FOXP1: variants seen among roughly 807,000 people sequenced by gnomAD.
FOXP1 encodes the protein forkhead box protein P1.
In FOXP1, 15 loss-of-function variants were observed where a neutral mutation model predicts 98.2. The observed-to-expected ratio is 0.15, with a 90% CI of 0.10 to 0.24. FOXP1 has a LOEUF of 0.24. Among genes scored for constraint, FOXP1 ranks in the 10% least tolerant of loss-of-function variants. The probability of loss-of-function intolerance (pLI) is 1.00; values close to 1 mark genes in which losing one functional copy is unlikely to be tolerated. For missense variants in FOXP1, 633 were observed against 848.5 expected, an observed-to-expected ratio of 0.75 and a Z score of 3.15; for synonymous variants, 371 against 314.5, an observed-to-expected ratio of 1.18 and a Z score of -1.90.
At chr3:71,194,260 CCA>C (rs2063168489) in intron 6 of FOXP1, among the ~76,000 whole-genome samples, 1 of 113,878 alleles carries the variant, frequency 8.8e-6, no homozygotes, top group Non-Finnish European at 1.6e-5. Context: ...CCAGGTGGTA[CCA>C]AAAAAAAAAA....
chr3:71,286,912 C>T (rs2072205535), intron 5 of FOXP1, among the ~76,000 whole-genome samples: 1 of 152,132 alleles, frequency 6.6e-6, no homozygotes, highest in African/African-American at 2.4e-5. Flanking sequence ...TTTTATGAAA[C>T]TCACTCAAGA....
intron 1 of FOXP1, among the ~76,000 whole-genome samples, chr3:71,583,071 C>T (rs1007176445): frequency 2.6e-5 from 4 of 151,746 alleles, no homozygotes; most frequent in Admixed American, 6.6e-5. Flanking sequence ...CCCGGGACCC[C>T]GCACCGGCCC....
chr3:71,424,401 T>C (rs931379272), intron 3 of FOXP1, among the ~76,000 whole-genome samples: 1 of 152,126 alleles, frequency 6.6e-6, no homozygotes, highest in African/African-American at 2.4e-5. Flanking sequence ...CACCATAACC[T>C]TGCAATGTTA....
chr3:71,427,364 G>A (rs1467945387), intron 3 of FOXP1, among the ~76,000 whole-genome samples: 1 of 152,210 alleles, frequency 6.6e-6, no homozygotes, highest in East Asian at 1.9e-4. Context: ...GAGAGTGTCA[G>A]TGATATTAGA....
intron 6 of FOXP1, among the ~76,000 whole-genome samples, chr3:71,166,436 T>C (rs1046141278): frequency 6.6e-5 from 10 of 152,208 alleles, no homozygotes; most frequent in African/African-American, 1.2e-4. Context: ...AACACCAAAT[T>C]TGGCAACCCA....
intron 6 of FOXP1, among the ~76,000 whole-genome samples, chr3:71,121,384 G>A (rs946656215): frequency 4.9e-4 from 74 of 151,916 alleles, no homozygotes; most frequent in African/African-American, 1.6e-3. Context: ...AAAAAAGGGG[G>A]GGGGGATATC....
At chr3:71,228,529 C>T (rs1411839513) in intron 5 of FOXP1, among the ~76,000 whole-genome samples, 6 of 152,114 alleles carry the variant, frequency 3.9e-5, no homozygotes, top group Non-Finnish European at 1.5e-5. Flanking sequence ...CAGGAAGATG[C>T]GTCCCACTCA....
At chr3:71,579,903 C>G (rs2048023641) in intron 2 of FOXP1, among the ~76,000 whole-genome samples, 1 of 152,020 alleles carries the variant, frequency 6.6e-6, no homozygotes, top group African/African-American at 2.4e-5. Context: ...TTTCGCGACT[C>G]GGCATCCATA....
At chr3:71,004,432 C>T (rs907887002) in intron 12 of FOXP1, among the ~76,000 whole-genome samples, 4 of 151,978 alleles carry the variant, frequency 2.6e-5, no homozygotes, top group African/African-American at 9.7e-5. Context: ...TATTTTCTTC[C>T]GTAACACCAA....
intron 7 of FOXP1, among the ~76,000 whole-genome samples, chr3:71,075,145 G>A (rs1268196821): frequency 6.6e-6 from 1 of 152,202 alleles, no homozygotes; most frequent in Non-Finnish European, 1.5e-5. Context: ...ACTCTGGAGA[G>A]ACACTGCCAT....
intron 2 of FOXP1, among the ~76,000 whole-genome samples, chr3:71,521,297 C>T (rs539396171): frequency 2.6e-5 from 4 of 152,184 alleles, no homozygotes; most frequent in South Asian, 4.2e-4. Flanking sequence ...TTTGGGAGGC[C>T]GAGTGAATCG....
intron 5 of FOXP1, among the ~76,000 whole-genome samples, chr3:71,281,097 T>C (rs2071509819): frequency 6.8e-6 from 1 of 147,668 alleles, no homozygotes; most frequent in African/African-American, 2.5e-5. Context: ...GGCGTCGTGG[T>C]GCATGCCTGT....
intron 4 of FOXP1, among the ~76,000 whole-genome samples, chr3:71,335,774 G>C (rs999793827): frequency 1.3e-5 from 2 of 152,082 alleles, no homozygotes; most frequent in African/African-American, 4.8e-5. Flanking sequence ...GGAGGCCGAG[G>C]CAGGTGGATC....
In FOXP1 at chr3:71,389,437, G is replaced by T. The variant is rs1172253903; in HGVS notation, c.-167-30193C>A. On this transcript the variant is annotated intron_variant, in intron 3 of 20. Coordinates refer to ENST00000649528, the MANE Select transcript of FOXP1 (RefSeq NM_001349338.3). ...TGACTGCTTTGCTTTTATAAGTGCT[G>T]TTGCAGTAAGGGTTACCTGAAGTGA... is the stretch of plus-strand genomic sequence containing the variant. Among the ~76,000 whole-genome samples the T allele has an allele frequency of 2.6e-5, 4 of 152,202 alleles. No individual in the cohort carries two copies. In the East Asian group the frequency reaches 7.7e-4, roughly 29 times the overall value.
chr3:71,089,605 A>G (rs1316236990), intron 7 of FOXP1, among the ~76,000 whole-genome samples: 1 of 152,214 alleles, frequency 6.6e-6, no homozygotes, highest in African/African-American at 2.4e-5. Flanking sequence ...TTCTTCCTGC[A>G]GGAACACTCT....
At chr3:71,252,685 A>C (rs937205641) in intron 5 of FOXP1, among the ~76,000 whole-genome samples, 3 of 152,172 alleles carry the variant, frequency 2.0e-5, no homozygotes, top group Admixed American at 6.5e-5. Flanking sequence ...TGATTTTCCC[A>C]GTGTTTGAGA....
At chr3:71,144,824 C>T (rs183649209) in intron 6 of FOXP1, among the ~76,000 whole-genome samples, 131 of 152,300 alleles carry the variant, frequency 8.6e-4, no homozygotes, top group South Asian at 4.8e-3. Flanking sequence ...TTGTGCCAAC[C>T]TGTTGTAATC....
At chr3:71,382,797 C>G (rs2080277429) in intron 3 of FOXP1, among the ~76,000 whole-genome samples, 2 of 152,148 alleles carry the variant, frequency 1.3e-5, no homozygotes, top group South Asian at 4.1e-4. Context: ...CAAACTCATC[C>G]TAATTTAAAT....
intron 5 of FOXP1, among the ~76,000 whole-genome samples, chr3:71,240,344 A>G (rs549414186): frequency 2.6e-5 from 4 of 152,374 alleles, no homozygotes; most frequent in African/African-American, 9.6e-5. Flanking sequence ...GCCAAAGGCC[A>G]TGAAAAGGCA....
Sources: allele counts gnomAD v4.1 joint callset (sites outside exome capture counted in the v4.1 genomes callset), GRCh38; gene constraint gnomAD v4.1.1; transcripts MANE v1.5; gene names NCBI Gene and HGNC (gene_info 2026-07-23, HGNC 2026-07-21).